Variants in ETV1 observed in about 807,000 individuals in gnomAD.
ETV1 encodes ETS variant transcription factor 1.
A neutral mutation model predicts 62.3 loss-of-function variants in ETV1; 27 were observed. The observed-to-expected ratio is 0.43, with a 90% CI of 0.32 to 0.60. ETV1 has a LOEUF of 0.60. ETV1 is among the 20% of genes least tolerant of loss of function. The pLI is 0.06. For synonymous variants in ETV1, 222 were observed against 199.6 expected, an observed-to-expected ratio of 1.11 and a Z score of -0.94; for missense variants, 605 against 605.8, an observed-to-expected ratio of 1.00 and a Z score of 0.01.
At chr7:13,969,497 T>C (rs1355067534) in intron 6 of ETV1, among the ~76,000 whole-genome samples, 2 of 152,200 alleles carry the variant, frequency 1.3e-5, no homozygotes, top group Non-Finnish European at 2.9e-5. Context: ...CTGATACTGC[T>C]GTCTTTATTT....
intron 12 of ETV1, among the ~76,000 whole-genome samples, chr7:13,904,690 C>G (rs992743611): frequency 6.6e-6 from 1 of 151,852 alleles, no homozygotes; most frequent in African/African-American, 2.4e-5. Context: ...TGATACAAAT[C>G]CCTGTAGAAA....
chr7:13,893,141 T>C lies in ETV1; in HGVS notation c.*2725A>G. The stretch of plus-strand genomic sequence containing the variant: ...TTTGTTGCAATTAATCTATTGGGTA[T>C]TAACATGTCATCATCAAGAGACAGC... On this transcript the variant is annotated 3_prime_UTR_variant, in exon 14 of 14. Coordinates refer to ENST00000430479, the MANE Select transcript of ETV1 (RefSeq NM_004956.5). The C allele has an allele frequency of 4.3e-6, 1 of 232,650 alleles. No homozygotes were observed. 14.4% of individuals were successfully genotyped at this position (232,650 alleles called of 1,614,324 possible).
chr7:13,969,779 A>G (rs982472353), intron 6 of ETV1, among the ~76,000 whole-genome samples: 14 of 152,206 alleles, frequency 9.2e-5, no homozygotes, highest in Non-Finnish European at 1.2e-4. Context: ...TTCTATCTTC[A>G]TAGGACAACA....
At chr7:13,915,534 T>G (rs1784054893) in intron 9 of ETV1, among the ~76,000 whole-genome samples, 1 of 152,192 alleles carries the variant, frequency 6.6e-6, no homozygotes, top group Non-Finnish European at 1.5e-5. Context: ...GTTTGCTTAC[T>G]TCTTCTCATT....
chr7:13,970,186 G>A (rs527285584), intron 6 of ETV1, among the ~76,000 whole-genome samples: 21 of 151,956 alleles, frequency 1.4e-4, no homozygotes, highest in Non-Finnish European at 2.1e-4. Context: ...GCGTGAACCC[G>A]GGAGGCGGAG....
At position 13,909,605 on chromosome 7, in the gene ETV1, G is replaced by T. The variant is rs774849294; in HGVS notation, c.940+27C>A. On this transcript the variant is annotated intron_variant, in intron 11 of 13. Transcript: ENST00000430479. ...AATCACTCCATCTTTAAAAAAATCA[G>T]AACTTGAGGCAAAGTGTAAAACCTA... 6.3e-6 allele frequency: 10 copies of T among 1,579,044 alleles called. No individual in the cohort carries two copies. In the Admixed American group the frequency reaches 6.8e-5, roughly 11 times the overall value.
At chr7:13,980,807 C>T (rs1037001488) in intron 5 of ETV1, among the ~76,000 whole-genome samples, 1 of 151,968 alleles carries the variant, frequency 6.6e-6, no homozygotes, top group African/African-American at 2.4e-5. Flanking sequence ...CTTTTTGCTA[C>T]GTATCAATGC....
At chr7:13,896,197 T>C in intron 13 of ETV1, 110 bp from the exon 14 acceptor site, 1 of 768,858 alleles carries the variant, frequency 1.3e-6, no homozygotes, top group Non-Finnish European at 2.1e-6. Context: ...GATGGGTAAC[T>C]CTGGCCCAAA....
chr7:13,924,612 C>T (rs957611440), intron 9 of ETV1, among the ~76,000 whole-genome samples: 1 of 152,166 alleles, frequency 6.6e-6, no homozygotes, highest in Non-Finnish European at 1.5e-5. Context: ...TCATGAAGAT[C>T]CTTCGAAAAC....
At chr7:13,970,836 T>A (rs1426872027) in intron 6 of ETV1, among the ~76,000 whole-genome samples, 2 of 152,054 alleles carry the variant, frequency 1.3e-5, no homozygotes, top group Non-Finnish European at 2.9e-5. Flanking sequence ...CACAAATTAT[T>A]CAGTCAGGGT....
At chr7:13,949,285 T>C (rs541414328) in intron 6 of ETV1, among the ~76,000 whole-genome samples, 3 of 152,146 alleles carry the variant, frequency 2.0e-5, no homozygotes, top group East Asian at 1.9e-4. Flanking sequence ...TACAAATATA[T>C]GTAGTTAGGA....
At chr7:13,946,588 A>G (rs941183840) in intron 6 of ETV1, among the ~76,000 whole-genome samples, 1 of 152,160 alleles carries the variant, frequency 6.6e-6, no homozygotes, top group Non-Finnish European at 1.5e-5. Context: ...TTTTCTACCT[A>G]TATTTTAGAA....
intron 6 of ETV1, among the ~76,000 whole-genome samples, chr7:13,940,678 G>C (rs1415849887): frequency 3.3e-5 from 5 of 152,108 alleles, no homozygotes; most frequent in African/African-American, 9.7e-5. Flanking sequence ...AGGAAGATAT[G>C]ACAAGAGGAA....
intron 6 of ETV1, among the ~76,000 whole-genome samples, chr7:13,965,891 T>A (rs1790724971): frequency 6.6e-6 from 1 of 152,152 alleles, no homozygotes; most frequent in South Asian, 2.1e-4. Context: ...ATACGTTTTT[T>A]AAAAAATAAG....
At chr7:13,951,596 T>C (rs7790331) in intron 6 of ETV1, among the ~76,000 whole-genome samples, 76,571 of 151,932 alleles carry the variant, frequency 0.5, 19,409 homozygotes, top group Admixed American at 0.54. Context: ...GATGACCCGG[T>C]CACATAAAAG....
chr7:13,938,951 T>C (rs930611917), intron 7 of ETV1, among the ~76,000 whole-genome samples, 166 bp downstream of exon 7: 1 of 152,198 alleles, frequency 6.6e-6, no homozygotes, highest in Non-Finnish European at 1.5e-5. Context: ...AAGTGTGTGA[T>C]TGGATGGTAA....
intron 7 of ETV1, among the ~76,000 whole-genome samples, chr7:13,936,872 C>T (rs1786864211): frequency 6.6e-6 from 1 of 151,978 alleles, no homozygotes; most frequent in Non-Finnish European, 1.5e-5. Flanking sequence ...GAAACCCCGT[C>T]TCTACTAAAA....
intron 12 of ETV1, among the ~76,000 whole-genome samples, chr7:13,901,906 C>G (rs1054810648): frequency 6.6e-6 from 1 of 152,060 alleles, no homozygotes; most frequent in African/African-American, 2.4e-5. Flanking sequence ...TTTGGAGGAG[C>G]AATGTATCTA....
In ETV1 at chr7:13,954,974, G is replaced by T. The variant is rs1375629881; in HGVS notation, c.236-15728C>A. ...CTTTACAGGCTGCCAAAATAACAAAGATAGAGTAATTACAAAGGAAACTTC... is the reference window on the plus strand; with the variant it reads ...CTTTACAGGCTGCCAAAATAACAAATATAGAGTAATTACAAAGGAAACTTC... On this transcript the variant is annotated intron_variant, in intron 6 of 13. Coordinates refer to ENST00000430479, the MANE Select transcript of ETV1 (RefSeq NM_004956.5). 2.0e-5 allele frequency among the ~76,000 whole-genome samples: 3 copies of T among 152,136 alleles called. 1 individual carries two copies. In the South Asian group the frequency reaches 6.2e-4, roughly 32 times the overall value.
Sources: gnomAD v4.1 joint callset for allele counts (sites outside exome capture counted in the v4.1 genomes callset) on GRCh38, gnomAD v4.1.1 for gene constraint, MANE v1.5 for transcripts, NCBI Gene and HGNC (gene_info 2026-07-23, HGNC 2026-07-21) for gene names.